TBL1XR1: variants seen among roughly 807,000 people sequenced by gnomAD.
TBL1XR1 encodes F-box-like/WD repeat-containing protein TBL1XR1.
TBL1XR1 carries 5 observed loss-of-function variants against 66.9 expected under a neutral mutation model. The observed-to-expected ratio is 0.07, with a 90% CI of 0.04 to 0.16. The LOEUF (loss-of-function observed/expected upper bound fraction) is 0.16. TBL1XR1 is among the 10% of genes least tolerant of loss of function. The pLI, the probability that TBL1XR1 is intolerant of heterozygous loss-of-function variation, is 1.00. For synonymous variants in TBL1XR1, 210 were observed against 206.0 expected (o/e 1.02, Z -0.17); for missense variants, 238 against 623.2 (o/e 0.38, Z 6.58).
At chr3:177,033,729 C>T (rs1311242023) in intron 13 of TBL1XR1, among the ~76,000 whole-genome samples, 1 of 152,120 alleles carries the variant, frequency 6.6e-6, no homozygotes. Flanking sequence ...TATACATACA[C>T]CATGGAATAC....
At chr3:177,070,052 T>C (rs1348228959) in intron 2 of TBL1XR1, among the ~76,000 whole-genome samples, 1 of 152,242 alleles carries the variant, frequency 6.6e-6, no homozygotes, top group Non-Finnish European at 1.5e-5. Context: ...ATTTGTTGTT[T>C]ATTTGATGAT....
chr3:177,062,910 G>C (rs774996425), intron 3 of TBL1XR1, among the ~76,000 whole-genome samples: 2 of 151,966 alleles, frequency 1.3e-5, no homozygotes, highest in African/African-American at 4.8e-5. Context: ...CAAGGCGGGC[G>C]GATCACCTAA....
At chr3:177,158,220 GTTTCT>G (rs200970246) in intron 1 of TBL1XR1, among the ~76,000 whole-genome samples, 3,708 of 109,658 alleles carry the variant, frequency 0.034, 114 homozygotes, top group African/African-American at 0.076. Flanking sequence ...TATAGGATTT[GTTTCT>G]TTTCTTTTTT....
At chr3:177,142,138 A>G (rs955216277) in intron 1 of TBL1XR1, among the ~76,000 whole-genome samples, 1 of 152,182 alleles carries the variant, frequency 6.6e-6, no homozygotes, top group Non-Finnish European at 1.5e-5. Flanking sequence ...AGGGTAGACA[A>G]GAGACAAAAT....
chr3:177,051,777 TTATTTGTATTTATACAA>T (rs1717123745), intron 4 of TBL1XR1, 51 bp from the exon 5 acceptor site: 7 of 1,410,234 alleles, frequency 5.0e-6, no homozygotes, highest in African/African-American at 1.5e-5. Flanking sequence ...ATATTTAAAG[TTATTTGTATTTATACAA>T]AATCAGAAAT....
upstream of TBL1XR1, among the ~76,000 whole-genome samples, chr3:177,201,324 T>C (rs1296095614): frequency 1.4e-5 from 2 of 142,866 alleles, no homozygotes; most frequent in East Asian, 4.2e-4. Context: ...GGCAGAAGAA[T>C]GGCTTGAAAC....
intron 2 of TBL1XR1, among the ~76,000 whole-genome samples, chr3:177,081,912 CT>C (rs1435056117): frequency 6.6e-6 from 1 of 151,902 alleles, no homozygotes; most frequent in East Asian, 1.9e-4. Context: ...AAATATTCTC[CT>C]CTAGGAAGAC....
At chr3:177,095,463 C>T (rs1049812275) in intron 2 of TBL1XR1, among the ~76,000 whole-genome samples, 1 of 151,126 alleles carries the variant, frequency 6.6e-6, no homozygotes, top group African/African-American at 2.4e-5. Flanking sequence ...TACAGGAAAG[C>T]AGCTATAAAT....
rs3188952 is a variant in TBL1XR1 at position 177,021,616 on chromosome 3, A to G, written c.*3882T>C. 0.18 allele frequency: 28,062 copies of G among 152,552 alleles called. 2,668 individuals are homozygous for G. The highest frequency in any genetic ancestry group is 0.22 in the Admixed American group (3,308 of 15,270). The allele number at this position is 152,552 out of a possible 1,614,324, so 9.4% of individuals were successfully genotyped here. A position where few individuals can be genotyped will look rare whatever the true frequency, so the allele number is the denominator to read the frequency against. On this transcript the variant is annotated 3_prime_UTR_variant, in exon 16 of 16. Transcript: ENST00000457928. ...GAGCTACTACTGGAAGGAGTAATTC[A>G]TAACTTCCCTACCCTCCTTCCATCC...
chr3:177,068,002 C>CT (rs1448679376), intron 2 of TBL1XR1, among the ~76,000 whole-genome samples: 1 of 152,202 alleles, frequency 6.6e-6, no homozygotes. Flanking sequence ...GAACAACTGT[C>CT]TTTAAACTAG....
At chr3:177,110,550 A>C (rs924728464) in intron 1 of TBL1XR1, among the ~76,000 whole-genome samples, 1 of 152,086 alleles carries the variant, frequency 6.6e-6, no homozygotes, top group African/African-American at 2.4e-5. Flanking sequence ...GACAAAGAGG[A>C]GGCAAAGGAT....
At chr3:177,151,885 G>A (rs977248152) in intron 1 of TBL1XR1, among the ~76,000 whole-genome samples, 38 of 152,242 alleles carry the variant, frequency 2.5e-4, no homozygotes, top group African/African-American at 7.2e-4. Context: ...TCAGCCGGGC[G>A]TGGTGGCAGG....
chr3:177,033,648 G>A (rs1352594106), intron 13 of TBL1XR1, among the ~76,000 whole-genome samples: 2 of 151,992 alleles, frequency 1.3e-5, no homozygotes, highest in Admixed American at 6.6e-5. Context: ...ATAAAACTCA[G>A]TGTTTAAAGA....
At chr3:177,067,701 GT>G (rs560028486) in intron 2 of TBL1XR1, among the ~76,000 whole-genome samples, 10 of 149,050 alleles carry the variant, frequency 6.7e-5, no homozygotes, top group South Asian at 2.1e-4. Context: ...CGGCAATTAA[GT>G]TTTTTTTTTA....
intron 2 of TBL1XR1, among the ~76,000 whole-genome samples, chr3:177,067,604 A>G (rs1224703157): frequency 6.6e-6 from 1 of 152,234 alleles, no homozygotes. Flanking sequence ...AAGTCATAAT[A>G]AAAAATACCA....
chr3:177,160,495 C>G (rs973685820), intron 1 of TBL1XR1, among the ~76,000 whole-genome samples: 1 of 150,198 alleles, frequency 6.7e-6, no homozygotes, highest in Admixed American at 6.6e-5. Flanking sequence ...AAAAAGTATC[C>G]AATTGGCAGC....
Position 177,065,017 on chromosome 3 carries a change from A to G in TBL1XR1, c.-40T>C. 1 of 1,445,794 alleles carries G rather than the reference A, an allele frequency of 6.9e-7. No homozygotes were observed. Among genetic ancestry groups the G allele is most frequent in the African/African-American group, 1.5e-5 (1 of 67,500 alleles). 89.6% of individuals were successfully genotyped at this position (1,445,794 alleles called of 1,614,324 possible). A position where few individuals can be genotyped will look rare whatever the true frequency, so the allele number is the denominator to read the frequency against. On this transcript the variant is annotated 5_prime_UTR_variant, in exon 3 of 16. Coordinates refer to ENST00000457928, the MANE Select transcript of TBL1XR1 (RefSeq NM_024665.7). ...AAACCATGAGGTCACAACACAGGATATAACCCTAAAAATAAAACAAAGTTA... is the reference window on the plus strand; with the variant it reads ...AAACCATGAGGTCACAACACAGGATGTAACCCTAAAAATAAAACAAAGTTA...
At chr3:177,130,379 C>A (rs1024661609) in intron 1 of TBL1XR1, among the ~76,000 whole-genome samples, 1 of 152,024 alleles carries the variant, frequency 6.6e-6, no homozygotes. Context: ...AAAACAACAA[C>A]AACAACAAAA....
chr3:177,078,410 C>CA (rs879536195), intron 2 of TBL1XR1, among the ~76,000 whole-genome samples: 90 of 138,478 alleles, frequency 6.5e-4, no homozygotes, highest in South Asian at 2.8e-3. Context: ...CCAGGATCTA[C>CA]AAAAAAAAAA....
Sources: allele counts gnomAD v4.1 joint callset (sites outside exome capture counted in the v4.1 genomes callset), GRCh38; gene constraint gnomAD v4.1.1; transcripts MANE v1.5; gene names NCBI Gene and HGNC (gene_info 2026-07-23, HGNC 2026-07-21).